The following ANO1 variants were observed in gnomAD, a reference collection of about 807,000 sequenced individuals.
ANO1 encodes the protein anoctamin 1.
A neutral mutation model predicts 124.0 loss-of-function variants in ANO1; 59 were observed. The ratio of observed to expected loss-of-function variants is 0.48; its 90% CI spans 0.39 to 0.59. ANO1 has a LOEUF of 0.59. ANO1 is among the 20% of genes least tolerant of loss of function. The pLI, the probability that ANO1 is intolerant of heterozygous loss-of-function variation, is 0.00. For missense variants in ANO1, 1,059 were observed against 1,328.0 expected (o/e 0.80, Z 3.15); for synonymous variants, 529 against 532.0 (o/e 0.99, Z 0.08).
At chr11:70,107,626 C>G (rs979419704) in intron 5 of ANO1, among the ~76,000 whole-genome samples, 2 of 152,178 alleles carry the variant, frequency 1.3e-5, no homozygotes, top group African/African-American at 4.8e-5. Context: ...CTTCTCACCC[C>G]AGTTTACAGA....
In ANO1 at chr11:70,161,148, T is replaced by G; in HGVS notation, c.1579-13T>G. On this transcript the variant is annotated splice_polypyrimidine_tract_variant and intron_variant, in intron 16 of 25. Transcript: ENST00000355303. ...TGGGCCCCCAACCAAGAGTGCCCCT[T>G]TCCCCCCTGCAGATTGCAGTGACGT... 1 of 1,611,372 alleles carries G rather than the reference T, an allele frequency of 6.2e-7. No individual in the cohort carries two copies. Among genetic ancestry groups the G allele is most frequent in the East Asian group, 2.2e-5 (1 of 44,850 alleles).
At chr11:70,012,735 C>G (rs1208366953) in intron 1 of ANO1, among the ~76,000 whole-genome samples, 1 of 152,140 alleles carries the variant, frequency 6.6e-6, no homozygotes, top group East Asian at 1.9e-4. Flanking sequence ...ATCCATCCAT[C>G]CATTCTTTCA....
At chr11:70,081,756 G>A (rs1231568287) in intron 1 of ANO1, among the ~76,000 whole-genome samples, 4 of 152,176 alleles carry the variant, frequency 2.6e-5, no homozygotes, top group African/African-American at 9.7e-5. Context: ...CCCTTTTGTT[G>A]GAGTTTGAGG....
At position 70,000,378 on chromosome 11, in the gene ANO1, A is replaced by T. The variant is rs192264786; in HGVS notation, c.58+14212A>T. ...AAGTCATGTCAGGTCACTAAAAAGC[A>T]TTTTAAAGGAAAAGGCCTGATAAGC... is the stretch of plus-strand genomic sequence containing the variant. On this transcript the variant is annotated intron_variant, in intron 1 of 27. Coordinates refer to the ANO1 transcript ENST00000531349. Among the ~76,000 whole-genome samples the T allele has an allele frequency of 1.1e-3, 172 of 152,266 alleles. 5 individuals carry two copies. In the East Asian group the frequency reaches 0.018, roughly 16 times the overall value.
At chr11:69,989,731 C>A (rs1396404121) in intron 1 of ANO1, among the ~76,000 whole-genome samples, 1 of 152,134 alleles carries the variant, frequency 6.6e-6, no homozygotes, top group Admixed American at 6.5e-5. Flanking sequence ...GAAGCCTGCT[C>A]AGAGGCTCTT....
chr11:70,132,272 C>G (rs1334213915), intron 11 of ANO1, among the ~76,000 whole-genome samples, 193 bp downstream of exon 11: 1 of 152,196 alleles, frequency 6.6e-6, no homozygotes, highest in Non-Finnish European at 1.5e-5. Context: ...TCAGGAGAGA[C>G]ACGGGTTCTC....
the ANO1 span, among the ~76,000 whole-genome samples, chr11:69,977,239 T>G: frequency 6.6e-6 from 1 of 152,162 alleles, no homozygotes; most frequent in Non-Finnish European, 1.5e-5. Context: ...TCCGGTTCTG[T>G]GTGCACGGTC....
At chr11:70,018,914 C>T (rs972331337) in intron 1 of ANO1, among the ~76,000 whole-genome samples, 1 of 152,210 alleles carries the variant, frequency 6.6e-6, no homozygotes, top group Non-Finnish European at 1.5e-5. Flanking sequence ...AATAGGCAGC[C>T]TCAGTCTCAG....
At chr11:70,157,537 C>A (rs1319578353) in intron 16 of ANO1, among the ~76,000 whole-genome samples, 1 of 152,076 alleles carries the variant, frequency 6.6e-6, no homozygotes, top group African/African-American at 2.4e-5. Context: ...TCCAAAGTGA[C>A]CCCCAGTGGG....
At chr11:70,046,944 G>T (rs927377766) in intron 1 of ANO1, among the ~76,000 whole-genome samples, 17 of 151,910 alleles carry the variant, frequency 1.1e-4, no homozygotes, top group African/African-American at 3.6e-4. Flanking sequence ...AGCCAGGCCT[G>T]GTTCAGGCAC....
At chr11:70,185,939 G>A (rs1328242017) in intron 25 of ANO1, among the ~76,000 whole-genome samples, 2 of 152,186 alleles carry the variant, frequency 1.3e-5, no homozygotes, top group African/African-American at 2.4e-5. Flanking sequence ...ATGAGCACCG[G>A]CAGAAGGGTT....
At chr11:70,022,973 G>C (rs1426712528) in intron 1 of ANO1, among the ~76,000 whole-genome samples, 1 of 152,188 alleles carries the variant, frequency 6.6e-6, no homozygotes, top group African/African-American at 2.4e-5. Flanking sequence ...TGCACTGCCA[G>C]CTTGAGATGG....
the ANO1 span, among the ~76,000 whole-genome samples, chr11:69,971,876 A>G: frequency 6.6e-6 from 1 of 152,170 alleles, no homozygotes; most frequent in African/African-American, 2.4e-5. Context: ...CAAAACAGAC[A>G]CTGACTGCTT....
chr11:70,157,098 G>T, intron 16 of ANO1, 77 bp downstream of exon 16: 1 of 1,350,686 alleles, frequency 7.4e-7, no homozygotes, highest in Non-Finnish European at 1.0e-6. Context: ...CGGGCGTGGT[G>T]GTTCACGACT....
the ANO1 span, among the ~76,000 whole-genome samples, chr11:69,970,488 C>T: frequency 1.3e-5 from 2 of 152,272 alleles, no homozygotes; most frequent in Admixed American, 6.5e-5. Context: ...GACCAGCACG[C>T]GGGAGGCAGG....
At chr11:70,178,272 G>A (rs1378063272) in intron 22 of ANO1, among the ~76,000 whole-genome samples, 2 of 152,216 alleles carry the variant, frequency 1.3e-5, no homozygotes, top group Non-Finnish European at 2.9e-5. Context: ...TGCTGACTTT[G>A]TAGGGCTGTG....
chr11:70,092,418 G>A (rs2044669542), intron 2 of ANO1, among the ~76,000 whole-genome samples: 2 of 152,216 alleles, frequency 1.3e-5, no homozygotes, highest in South Asian at 4.1e-4. Context: ...GGATGGGGCA[G>A]GCTGGAGCAC....
At chr11:69,981,067 C>A (rs570976660), upstream of ANO1, among the ~76,000 whole-genome samples, 8 of 152,120 alleles carry the variant, frequency 5.3e-5, no homozygotes, top group Non-Finnish European at 5.9e-5. Flanking sequence ...AATAAAAAAT[C>A]AAAAATAAAT....
intron 1 of ANO1, among the ~76,000 whole-genome samples, chr11:69,986,694 G>T (rs568534901): frequency 6.6e-6 from 1 of 152,166 alleles, no homozygotes; most frequent in South Asian, 2.1e-4. Context: ...AGGCCTGGAC[G>T]CTAGGCCGGA....
Sources: gnomAD v4.1 joint callset for allele counts (sites outside exome capture counted in the v4.1 genomes callset) on GRCh38, gnomAD v4.1.1 for gene constraint, MANE v1.5 for transcripts, NCBI Gene and HGNC (gene_info 2026-07-23, HGNC 2026-07-21) for gene names.